EDEM2: variants seen among roughly 807,000 people sequenced by gnomAD.
The protein encoded by EDEM2 is ER degradation-enhancing alpha-mannosidase-like protein 2.
In EDEM2, 39 loss-of-function variants were observed where a neutral mutation model predicts 64.8. The ratio of observed to expected loss-of-function variants is 0.60; its 90% CI spans 0.47 to 0.79. EDEM2 has a LOEUF of 0.79. Ranked by LOEUF, EDEM2 falls within the 30% of genes least tolerant of loss-of-function variation. The probability of loss-of-function intolerance (pLI) is 0.00; values close to 1 mark genes in which losing one functional copy is unlikely to be tolerated. For synonymous variants in EDEM2, 296 were observed against 291.5 expected, an observed-to-expected ratio of 1.02 and a Z score of -0.16; for missense variants, 609 against 731.3, an observed-to-expected ratio of 0.83 and a Z score of 1.93.
Position 35,115,798 on chromosome 20 carries a change from T to C in EDEM2, c.1372A>G (p.Ile458Val). 1.2e-6 allele frequency: 2 copies of C among 1,614,134 alleles called. No homozygotes were observed. Among genetic ancestry groups the C allele is most frequent in the African/African-American group, 1.3e-5 (1 of 75,016 alleles). The change falls in exon 11 of 11, where the codon ATC becomes GTC. Residue 458 changes from isoleucine (I) to valine (V), a missense_variant. Transcript: ENST00000374492. Reference sequence around the variant, plus strand: ...AGGATGCACTCCCCATAGGGGGTGATCACCGCGTCGAAGGTGGACCCATTG... The same window carrying C: ...AGGATGCACTCCCCATAGGGGGTGACCACCGCGTCGAAGGTGGACCCATTG... Reference protein sequence around the residue: ...HNNGSTFDAVITPYGECILGA... With the variant: ...HNNGSTFDAVVTPYGECILGA...
Position 35,131,750 on chromosome 20 carries a change from A to T in EDEM2, c.736T>A (p.Trp246Arg), listed in dbSNP as rs1418529484. 1.2e-6 allele frequency: 2 copies of T among 1,614,032 alleles called. No individual in the cohort carries two copies. Among genetic ancestry groups the T allele is most frequent in the Non-Finnish European group, 1.7e-6 (2 of 1,180,022 alleles). ...GNHIDVLTGK[W>R]VAQDAGIGAG... ...CCGATGCCTGCGTCCTGGGCCACCC[A>T]CTTGCCAGTGAGCACATCAATGTGG... Residue 246 changes from tryptophan to arginine, a missense_variant, in exon 7 of 11, where the codon TGG (tryptophan) becomes AGG (arginine). Trp to Arg is a moderately radical substitution (Grantham distance 101). Transcript: ENST00000374492.
At position 35,146,844 on chromosome 20, in the gene EDEM2, C is replaced by T; in HGVS notation, c.199G>A (p.Gly67Arg). 1.2e-6 allele frequency: 2 copies of T among 1,614,018 alleles called. No homozygotes were observed. The highest frequency in any genetic ancestry group is 1.7e-6 in the Non-Finnish European group (2 of 1,179,990). ...CACTACCTGCCCCAGGTGTCGTGCCCGTCACAGGTGAGAGGTCGCAGCTCA... is the reference window on the plus strand; with the variant it reads ...CACTACCTGCCCCAGGTGTCGTGCCTGTCACAGGTGAGAGGTCGCAGCTCA... ...FDELRPLTCD[G>R]HDTWGSFSLT... The change falls in exon 2 of 11, where the codon GGG becomes AGG. Residue 67 changes from glycine to arginine, a missense_variant. Gly to Arg is a moderately radical substitution (Grantham distance 125). Transcript: ENST00000374492.
At chr20:35,131,299 C>T (rs1240866579) in intron 7 of EDEM2, among the ~76,000 whole-genome samples, 1 of 152,190 alleles carries the variant, frequency 6.6e-6, no homozygotes, top group African/African-American at 2.4e-5. Flanking sequence ...ACCTGTGATC[C>T]CAACACTTTG....
At chr20:35,126,933 T>C (rs2085441253) in intron 7 of EDEM2, among the ~76,000 whole-genome samples, 1 of 151,980 alleles carries the variant, frequency 6.6e-6, no homozygotes, top group Non-Finnish European at 1.5e-5. Context: ...AAGCAGAAAA[T>C]AATTGATGTG....
intron 4 of EDEM2, among the ~76,000 whole-genome samples, chr20:35,141,769 A>G (rs988994603): frequency 1.3e-5 from 2 of 151,268 alleles, no homozygotes; most frequent in African/African-American, 4.9e-5. Context: ...TGGAGTCTCA[A>G]CATCTGAATT....
Position 35,147,267 on chromosome 20 carries a change from T to G in EDEM2, c.-9A>C, listed in dbSNP as rs1030392465. On this transcript the variant is annotated 5_prime_UTR_variant, in exon 1 of 11. Coordinates refer to ENST00000374492, the MANE Select transcript of EDEM2 (RefSeq NM_018217.3). Reference sequence around the variant, plus strand: ...AGCAGCCGGAAAGGCATAGAGCTCGTGTCCTCTCAGCGCCCCCGCAGCAGC... The same window carrying G: ...AGCAGCCGGAAAGGCATAGAGCTCGGGTCCTCTCAGCGCCCCCGCAGCAGC... 2.0e-6 allele frequency: 3 copies of G among 1,536,270 alleles called. No individual in the cohort carries two copies. Among genetic ancestry groups the G allele is most frequent in the Non-Finnish European group, 8.8e-7 (1 of 1,138,130 alleles).
chr20:35,131,597 G>C, intron 7 of EDEM2, 45 bp downstream of exon 7: 4 of 1,596,328 alleles, frequency 2.5e-6, no homozygotes, highest in Middle Eastern at 1.7e-4. Flanking sequence ...TCACACATCA[G>C]CAAGAAAAAT....
Position 35,115,899 on chromosome 20 carries a change from C to A in EDEM2, c.1271G>T (p.Arg424Leu), listed in dbSNP as rs996131573. 6.2e-7 allele frequency: 1 copy of A among 1,614,038 alleles called. No individual in the cohort carries two copies. Among genetic ancestry groups the A allele is most frequent in the Non-Finnish European group, 8.5e-7 (1 of 1,179,982 alleles). ...CTCGGCCAGGAAGAACGACTCCATG[C>A]GGTTGTCCAGCTTGTGGTCTCGCAG... ...KDLRDHKLDNRMESFFLAETV... is the reference protein window; with the variant it reads ...KDLRDHKLDNLMESFFLAETV... The change falls in exon 11 of 11, where the codon CGC becomes CTC. Residue 424 changes from arginine (R) to leucine (L), a missense_variant. Transcript: ENST00000374492.
intron 8 of EDEM2, 41 bp from the exon 9 acceptor site, chr20:35,124,075 A>G: frequency 6.3e-7 from 1 of 1,595,050 alleles, no homozygotes; most frequent in Non-Finnish European, 8.6e-7. Context: ...GACACCAGGC[A>G]TAAAACCCCA....
At position 35,122,786 on chromosome 20, in the gene EDEM2, T is replaced by A. The variant is rs184656770; in HGVS notation, c.1114+1104A>T. ...ATTTGCTCTTTATTCCCTCTCCTGG[T>A]CCCCTCTACACCTCCTACGATAATC... On this transcript the variant is annotated intron_variant, in intron 9 of 10. Coordinates refer to ENST00000374492, the MANE Select transcript of EDEM2 (RefSeq NM_018217.3). 1.9e-4 allele frequency among the ~76,000 whole-genome samples: 29 copies of A among 152,220 alleles called. No individual in the cohort carries two copies. The Middle Eastern group carries it at 0.014, about 71-fold the overall frequency.
At chr20:35,141,798 G>C (rs548601377) in intron 4 of EDEM2, among the ~76,000 whole-genome samples, 96 of 151,630 alleles carry the variant, frequency 6.3e-4, no homozygotes, top group African/African-American at 2.3e-3. Context: ...ACTTGGGAGT[G>C]GTTCCTATGG....
chr20:35,147,235 C>CGGGATGAGCACCG lies in EDEM2; in HGVS notation c.23_24insCGGTGCTCATCCC (p.Leu9GlyfsTer55). ...GCAGCAGCGCGCACAGGAGGCCGAG[C>CGGGATGAGCACCG]GGGATGAGCAGCCGGAAAGGCATAG... On this transcript the variant is annotated frameshift_variant, in exon 1 of 11. Coordinates refer to ENST00000374492, the MANE Select transcript of EDEM2 (RefSeq NM_018217.3). LOFTEE classifies it high-confidence loss of function. 6.3e-7 allele frequency: 1 copy of CGGGATGAGCACCG among 1,593,396 alleles called. No individual in the cohort carries two copies. The highest frequency in any genetic ancestry group is 8.6e-7 in the Non-Finnish European group (1 of 1,168,366).
At chr20:35,118,121 T>C (rs1279626980) in intron 10 of EDEM2, among the ~76,000 whole-genome samples, 5 of 152,216 alleles carry the variant, frequency 3.3e-5, no homozygotes, top group Non-Finnish European at 4.4e-5. Context: ...AGGCCACTGC[T>C]GTAACCCTTG....
chr20:35,143,660 G>T (rs2085688363), intron 3 of EDEM2, among the ~76,000 whole-genome samples: 1 of 152,176 alleles, frequency 6.6e-6, no homozygotes, highest in Admixed American at 6.6e-5. Context: ...CACTCCTGTG[G>T]TTTGGGAGAG....
intron 3 of EDEM2, among the ~76,000 whole-genome samples, chr20:35,142,751 A>G (rs1406568844): frequency 6.6e-6 from 1 of 152,086 alleles, no homozygotes; most frequent in Non-Finnish European, 1.5e-5. Context: ...CAAACTACGC[A>G]TAGAAGTCTT....
At chr20:35,142,517 A>G (rs761308105) in intron 3 of EDEM2, 39 bp from the exon 4 acceptor site, 13 of 1,483,056 alleles carry the variant, frequency 8.8e-6, no homozygotes, top group Admixed American at 6.9e-5. Flanking sequence ...AGGCTCTTAC[A>G]TGCATGGAGG....
chr20:35,147,051 G>A, intron 1 of EDEM2, 101 bp downstream of exon 1: 6 of 1,543,414 alleles, frequency 3.9e-6, no homozygotes, highest in Non-Finnish European at 4.4e-6. Context: ...GGGACCTAGC[G>A]GCTGTGTCGG....
chr20:35,126,404 A>C, intron 7 of EDEM2, 29 bp from the exon 8 acceptor site: 3 of 1,611,686 alleles, frequency 1.9e-6, no homozygotes, highest in South Asian at 2.2e-5. Context: ...GATAATGGAC[A>C]TATGAGTGAT....
At position 35,137,863 on chromosome 20, in the gene EDEM2, C is replaced by T. The variant is rs766023249; in HGVS notation, c.490+17G>A. The T allele has an allele frequency of 6.2e-7, 1 of 1,612,748 alleles. No homozygotes were observed. Among genetic ancestry groups the T allele is most frequent in the East Asian group, 2.2e-5 (1 of 44,872 alleles). On this transcript the variant is annotated intron_variant, in intron 5 of 10. Coordinates refer to ENST00000374492, the MANE Select transcript of EDEM2 (RefSeq NM_018217.3). ...CTACTGGACTTCGTCTCTGCCCCAT[C>T]TCTGTGTGGGTCTTACCTGGGAGGA... is the stretch of plus-strand genomic sequence containing the variant.
Sources: gnomAD v4.1 joint callset for allele counts (sites outside exome capture counted in the v4.1 genomes callset) on GRCh38, gnomAD v4.1.1 for gene constraint, MANE v1.5 for transcripts, NCBI Gene and HGNC (gene_info 2026-07-23, HGNC 2026-07-21) for gene names.